Variants in KDM4B observed in about 807,000 individuals in gnomAD.
KDM4B encodes the protein lysine-specific demethylase 4B.
In KDM4B, 32 loss-of-function variants were observed where a neutral mutation model predicts 125.2. The observed-to-expected ratio is 0.26, with a 90% CI of 0.19 to 0.34. The LOEUF (loss-of-function observed/expected upper bound fraction) is 0.34, where lower values mean the gene tolerates loss of function less well. Among genes scored for constraint, KDM4B ranks in the 10% least tolerant of loss-of-function variants. The probability of loss-of-function intolerance (pLI) is 1.00; values close to 1 mark genes in which losing one functional copy is unlikely to be tolerated. For missense variants in KDM4B, 1,190 were observed against 1,577.7 expected (o/e 0.75, Z 4.16); for synonymous variants, 721 against 677.9 (o/e 1.06, Z -0.99).
intron 7 of KDM4B, 116 bp from the exon 8 acceptor site, chr19:5,077,251 C>A: frequency 2.4e-6 from 2 of 829,622 alleles, no homozygotes; most frequent in Non-Finnish European, 3.9e-6. Context: ...GTGCTCTGTG[C>A]TCCCACACGC....
At chr19:5,077,557 CT>C in intron 8 of KDM4B, 87 bp downstream of exon 8, 4 of 1,110,090 alleles carry the variant, frequency 3.6e-6, no homozygotes, top group Non-Finnish European at 5.4e-6. Flanking sequence ...AGGAGATAAG[CT>C]GTTTAACCCT....
chr19:5,136,480 C>T (rs1184133964), intron 15 of KDM4B, among the ~76,000 whole-genome samples: 5 of 152,116 alleles, frequency 3.3e-5, no homozygotes, highest in Non-Finnish European at 7.4e-5. Context: ...TGGGGGCTCG[C>T]GTTGTCTCCT....
intron 1 of KDM4B, among the ~76,000 whole-genome samples, chr19:5,005,725 C>T (rs900049608): frequency 6.6e-6 from 1 of 152,294 alleles, no homozygotes; most frequent in East Asian, 1.9e-4. Context: ...TCACCCAGGA[C>T]GTCCCTCTAA....
Position 5,146,115 on chromosome 19 carries a change from C to T in KDM4B, c.3021+1213C>T, listed in dbSNP as rs531627529. ...AGCATCCAGGACCCCCACCCCCGGC[C>T]GTGCAGGCCGACCCCGCCCAGTCAC... On this transcript the variant is annotated intron_variant, in intron 21 of 22. Coordinates refer to ENST00000159111, the MANE Select transcript of KDM4B (RefSeq NM_015015.3). Among the ~76,000 whole-genome samples, 3 of 145,340 alleles carry T rather than the reference C, an allele frequency of 2.1e-5. No individual in the cohort carries two copies. The South Asian group carries it at 6.7e-4, about 32-fold the overall frequency.
At chr19:5,024,394 G>A (rs151330902) in intron 2 of KDM4B, among the ~76,000 whole-genome samples, 1 of 152,150 alleles carries the variant, frequency 6.6e-6, no homozygotes, top group East Asian at 1.9e-4. Context: ...GTGGCAGCCC[G>A]GGAGGGTATC....
intron 6 of KDM4B, among the ~76,000 whole-genome samples, chr19:5,067,026 C>G (rs891825880): frequency 1.3e-5 from 2 of 152,174 alleles, no homozygotes; most frequent in Admixed American, 6.5e-5. Flanking sequence ...TGATTTAGAA[C>G]CAGATTCCTC....
intron 3 of KDM4B, among the ~76,000 whole-genome samples, chr19:5,036,630 G>A (rs1006565917): frequency 2.0e-5 from 3 of 152,248 alleles, no homozygotes; most frequent in African/African-American, 4.8e-5. Context: ...GCATGTGGCC[G>A]GTCGCCTTCC....
intron 6 of KDM4B, among the ~76,000 whole-genome samples, chr19:5,047,914 C>T (rs75282391): frequency 0.013 from 1,922 of 152,298 alleles, 39 homozygotes; most frequent in African/African-American, 0.043. Context: ...CCCCGGAGTG[C>T]CCCCCATTGA....
intron 1 of KDM4B, 28 bp downstream of exon 1, chr19:4,969,258 GT>G (rs1248562935): frequency 3.4e-5 from 5 of 147,164 alleles, no homozygotes; most frequent in African/African-American, 1.2e-4. Flanking sequence ...CCGCCCGGCC[GT>G]GTCCGAGCGC....
chr19:5,061,592 G>T (rs564368314), intron 6 of KDM4B, among the ~76,000 whole-genome samples: 2 of 152,254 alleles, frequency 1.3e-5, no homozygotes, highest in Non-Finnish European at 2.9e-5. Flanking sequence ...AGGCAGGTTG[G>T]CTCATGCCTG....
intron 1 of KDM4B, among the ~76,000 whole-genome samples, chr19:4,982,693 A>T (rs536100508): frequency 6.7e-6 from 1 of 149,894 alleles, no homozygotes; most frequent in South Asian, 2.1e-4. Context: ...GCTCACTGCA[A>T]CCTCCACCTC....
intron 9 of KDM4B, among the ~76,000 whole-genome samples, chr19:5,083,974 C>T (rs957151906): frequency 4.6e-5 from 7 of 152,160 alleles, no homozygotes; most frequent in Non-Finnish European, 7.3e-5. Flanking sequence ...TGGCCTGGTG[C>T]GGTGGCTTAT....
chr19:4,984,707 T>C (rs2034769783), intron 1 of KDM4B, among the ~76,000 whole-genome samples: 3 of 152,112 alleles, frequency 2.0e-5, no homozygotes, highest in African/African-American at 7.2e-5. Context: ...TGTCTGTGGG[T>C]CTTGCAAACA....
In KDM4B at chr19:5,142,339, C is replaced by T. The variant is rs541996162; in HGVS notation, c.2551-1628C>T. Among the ~76,000 whole-genome samples the T allele has an allele frequency of 4.6e-5, 7 of 152,292 alleles. No individual in the cohort carries two copies. In the South Asian group the frequency reaches 1.2e-3, roughly 27 times the overall value. On this transcript the variant is annotated intron_variant, in intron 18 of 22. Transcript: ENST00000159111. This position sits in a 1 kb window ranked among gnomAD's most constrained non-coding sequence, Gnocchi z 5.4. ...GGGAGGTGACGGCCAAGAACGCCTG[C>T]CCGACCTCCTGTGGCCACAGCGCGT...
intron 9 of KDM4B, among the ~76,000 whole-genome samples, chr19:5,087,427 G>T (rs2038540938): frequency 6.6e-6 from 1 of 152,160 alleles, no homozygotes; most frequent in African/African-American, 2.4e-5. Flanking sequence ...GCTCCCCTCG[G>T]GGCTGGTGAC....
rs1333953417 is a variant in KDM4B, at chr19:5,115,063, G to A, written c.1115+4245G>A. On this transcript the variant is annotated intron_variant, in intron 10 of 22. Coordinates refer to ENST00000159111, the MANE Select transcript of KDM4B (RefSeq NM_015015.3). The surrounding 1 kb of genome is among the most constrained non-coding windows in gnomAD (Gnocchi z 4.2). ...AGAGGGGGCAGTGGCAGCTGAGCACGTCTCCAGGCTTTGAAAAGCAGGGAA... is the reference window on the plus strand; with the variant it reads ...AGAGGGGGCAGTGGCAGCTGAGCACATCTCCAGGCTTTGAAAAGCAGGGAA... 6.6e-6 allele frequency among the ~76,000 whole-genome samples: 1 copy of A among 152,200 alleles called. No individual in the cohort carries two copies. Among genetic ancestry groups the A allele is most frequent in the African/African-American group, 2.4e-5 (1 of 41,440 alleles).
chr19:5,069,365 C>T (rs974500462), intron 6 of KDM4B, among the ~76,000 whole-genome samples: 5 of 149,782 alleles, frequency 3.3e-5, no homozygotes, highest in East Asian at 2.0e-4. Context: ...GCTGGAGTGC[C>T]GTGGCGCAAT....
intron 1 of KDM4B, among the ~76,000 whole-genome samples, chr19:4,978,327 T>G (rs1462046513): frequency 1.3e-5 from 2 of 151,200 alleles, no homozygotes; most frequent in Non-Finnish European, 2.9e-5. Context: ...GCCAACGTGG[T>G]GAAACCCCAT....
chr19:5,096,064 GC>G (rs1220963506), intron 9 of KDM4B, among the ~76,000 whole-genome samples: 2 of 152,086 alleles, frequency 1.3e-5, no homozygotes, highest in East Asian at 3.9e-4. Context: ...CGCACACAGG[GC>G]CGGTGTACAG....
Sources: allele counts gnomAD v4.1 joint callset (sites outside exome capture counted in the v4.1 genomes callset), GRCh38; gene constraint gnomAD v4.1.1; non-coding constraint Gnocchi (gnomAD v3.1); transcripts MANE v1.5; gene names NCBI Gene and HGNC (gene_info 2026-07-23, HGNC 2026-07-21).